The following WDR43 variants were observed in gnomAD, a reference collection of about 807,000 sequenced individuals.
WDR43 encodes the protein WD repeat domain 43.
A neutral mutation model predicts 91.4 loss-of-function variants in WDR43; 13 were observed. The observed-to-expected ratio is 0.14, with a 90% CI of 0.09 to 0.23. WDR43 has a LOEUF of 0.23. Ranked by LOEUF, WDR43 falls within the 10% of genes least tolerant of loss-of-function variation. WDR43 has a pLI of 1.00. For synonymous variants in WDR43, 331 were observed against 287.9 expected, an observed-to-expected ratio of 1.15 and a Z score of -1.51; for missense variants, 780 against 809.4, an observed-to-expected ratio of 0.96 and a Z score of 0.44.
At chr2:28,938,063 A>G in intron 14 of WDR43, 69 bp downstream of exon 14, 1 of 1,525,156 alleles carries the variant, frequency 6.6e-7, no homozygotes. Context: ...AAACTTTGAC[A>G]AGTATGGCTG....
chr2:28,899,023 T>C lies in WDR43; in HGVS notation c.226-2964T>C, dbSNP rs550573878. On this transcript the variant is annotated intron_variant, in intron 1 of 17. Coordinates refer to ENST00000407426, the MANE Select transcript of WDR43 (RefSeq NM_015131.3). The stretch of plus-strand genomic sequence containing the variant: ...ATGCTGATGATGGATCAAATGCTGA[T>C]AAGCTTTTCTCATAAGACAGGTTTC... Among the ~76,000 whole-genome samples the C allele has an allele frequency of 2.0e-5, 3 of 152,320 alleles. No homozygotes were observed. The East Asian group carries it at 5.8e-4, about 29-fold the overall frequency.
chr2:28,928,566 A>G (rs747270645), intron 10 of WDR43, among the ~76,000 whole-genome samples: 27 of 152,216 alleles, frequency 1.8e-4, no homozygotes, highest in Non-Finnish European at 2.6e-4. Context: ...TCTGTTTGCT[A>G]TGTTAGTCAT....
chr2:28,922,785 G>T, intron 6 of WDR43, 134 bp from the exon 7 acceptor site: 1 of 610,850 alleles, frequency 1.6e-6, no homozygotes, highest in Non-Finnish European at 2.6e-6. Context: ...TTTTTAAATG[G>T]ATTCTTGCTG....
Position 28,926,604 on chromosome 2 carries a change from G to A in WDR43, c.1173+50G>A, listed in dbSNP as rs1558378825. 7 of 1,449,590 alleles carry A rather than the reference G, an allele frequency of 4.8e-6. No individual in the cohort carries two copies. The Middle Eastern group carries it at 7.5e-4, about 156-fold the overall frequency. 89.8% of individuals were successfully genotyped at this position (1,449,590 alleles called of 1,614,324 possible). A position where few individuals can be genotyped will look rare whatever the true frequency, so the allele number is the denominator to read the frequency against. On this transcript the variant is annotated intron_variant, in intron 9 of 17. Transcript: ENST00000407426. ...TTTAAGAAAAAGAATATTTCTTTGG[G>A]TGAATGGAACTGTTACTTAGTATTA...
At chr2:28,933,046 G>C (rs1671277375) in intron 11 of WDR43, among the ~76,000 whole-genome samples, 1 of 151,930 alleles carries the variant, frequency 6.6e-6, no homozygotes. Flanking sequence ...TGTATTTTGG[G>C]GTCAAGAATT....
At chr2:28,945,332 C>T (rs1000797031) in intron 16 of WDR43, among the ~76,000 whole-genome samples, 1 of 152,206 alleles carries the variant, frequency 6.6e-6, no homozygotes, top group Non-Finnish European at 1.5e-5. Flanking sequence ...TTATCTTCAT[C>T]TTTCTCCAGT....
At position 28,920,224 on chromosome 2, in the gene WDR43, C is replaced by CTTTT. The variant is rs751048652; in HGVS notation, c.849+2245_849+2248dup. Reference sequence around the variant, plus strand: ...AAATAAAAATAAATTTTTTTTCTTTCTTTTTTTTTTTTTTTTTTTGAGACA... The same window carrying CTTTT: ...AAATAAAAATAAATTTTTTTTCTTTCTTTTTTTTTTTTTTTTTTTTTTTGAGACA... On this transcript the variant is annotated intron_variant, in intron 6 of 17. Transcript: ENST00000407426. Among the ~76,000 whole-genome samples, 128 of 108,052 alleles carry CTTTT rather than the reference C, an allele frequency of 1.2e-3. 3 individuals carry two copies. Among genetic ancestry groups the CTTTT allele is most frequent in the African/African-American group, 1.7e-3 (44 of 26,450 alleles). The allele number at this position is 108,052 out of a possible 152,430, so 70.9% of individuals were successfully genotyped here.
At chr2:28,927,846 C>G in intron 10 of WDR43, 146 bp downstream of exon 10, 1 of 1,070,628 alleles carries the variant, frequency 9.3e-7, no homozygotes, top group South Asian at 1.8e-5. Flanking sequence ...TCTTCACCAT[C>G]ATAGATTTCA....
Position 28,937,915 on chromosome 2 carries a change from G to C in WDR43, c.1557-16G>C. 6 of 1,611,488 alleles carry C rather than the reference G, an allele frequency of 3.7e-6. No individual in the cohort carries two copies. Among genetic ancestry groups the C allele is most frequent in the Non-Finnish European group, 5.1e-6 (6 of 1,178,164 alleles). On this transcript the variant is annotated splice_polypyrimidine_tract_variant and intron_variant, in intron 13 of 17. Transcript: ENST00000407426. ...TGAATTTGTGAACATTAGTTTACTT[G>C]GATTTTTTTTTCCAGTGCTGTGCTA...
intron 8 of WDR43, among the ~76,000 whole-genome samples, chr2:28,926,135 G>T (rs556490683): frequency 1.3e-5 from 2 of 152,270 alleles, no homozygotes; most frequent in South Asian, 4.1e-4. Flanking sequence ...AAAGGATGAT[G>T]AACTGATACG....
intron 6 of WDR43, among the ~76,000 whole-genome samples, chr2:28,921,855 A>G (rs1207784687): frequency 6.6e-6 from 1 of 152,122 alleles, no homozygotes; most frequent in African/African-American, 2.4e-5. Context: ...GACTACAGGC[A>G]TGTGCCCACC....
At position 28,946,719 on chromosome 2, in the gene WDR43, T is replaced by A. The variant is rs1344783199; in HGVS notation, c.1974T>A (p.Ser658Arg). Residue 658 changes from serine (S) to arginine (R), a missense_variant, in exon 18 of 18, where the codon AGT becomes AGA. Transcript: ENST00000407426. ...EENGEDRDTA[S>R]EKELNGDSDL... is the part of the protein sequence containing the mutation. ...ATGGCGAGGACAGAGATACAGCAAGTGAAAAAGAATTAAATGGAGATTCTG... is the reference window on the plus strand; with the variant it reads ...ATGGCGAGGACAGAGATACAGCAAGAGAAAAAGAATTAAATGGAGATTCTG... 6.3e-7 allele frequency: 1 copy of A among 1,583,714 alleles called. No homozygotes were observed. Among genetic ancestry groups the A allele is most frequent in the South Asian group, 1.2e-5 (1 of 86,280 alleles).
At position 28,913,863 on chromosome 2, in the gene WDR43, C is replaced by T. The variant is rs549520329; in HGVS notation, c.607-206C>T. ...GAGTTAGAAGGAACATCTAAATTTTCAGTATTTTCAGATGGATTTTTTTAA... is the reference window on the plus strand; with the variant it reads ...GAGTTAGAAGGAACATCTAAATTTTTAGTATTTTCAGATGGATTTTTTTAA... On this transcript the variant is annotated intron_variant, in intron 4 of 17. Coordinates refer to ENST00000407426, the MANE Select transcript of WDR43 (RefSeq NM_015131.3). 12 of 693,246 alleles carry T rather than the reference C, an allele frequency of 1.7e-5. No individual in the cohort carries two copies. The East Asian group carries it at 3.0e-4, about 17-fold the overall frequency. 42.9% of individuals were successfully genotyped at this position (693,246 alleles called of 1,614,324 possible). A position where few individuals can be genotyped will look rare whatever the true frequency, so the allele number is the denominator to read the frequency against.
At chr2:28,898,015 G>A (rs1670513073) in intron 1 of WDR43, among the ~76,000 whole-genome samples, 1 of 152,198 alleles carries the variant, frequency 6.6e-6, no homozygotes, top group Non-Finnish European at 1.5e-5. Flanking sequence ...AAGTTTATGT[G>A]TGTAAACTGA....
At chr2:28,936,714 C>T (rs1391442618) in intron 12 of WDR43, among the ~76,000 whole-genome samples, 2 of 152,158 alleles carry the variant, frequency 1.3e-5, no homozygotes, top group Non-Finnish European at 2.9e-5. Context: ...TTTGCCGGTT[C>T]TGGACATTCC....
At chr2:28,910,589 G>T (rs1225583255) in intron 3 of WDR43, among the ~76,000 whole-genome samples, 2 of 150,878 alleles carry the variant, frequency 1.3e-5, no homozygotes, top group African/African-American at 4.9e-5. Flanking sequence ...TTTGTGTATT[G>T]TGAGTATTAA....
At chr2:28,930,021 C>T (rs1271482737) in intron 11 of WDR43, 1 of 507,154 alleles carries the variant, frequency 2.0e-6, no homozygotes, top group African/African-American at 1.9e-5. Context: ...TGATAATACT[C>T]AGCATTCTAG....
At chr2:28,916,688 T>C (rs1318959813) in intron 5 of WDR43, among the ~76,000 whole-genome samples, 2 of 152,144 alleles carry the variant, frequency 1.3e-5, no homozygotes, top group African/African-American at 2.4e-5. Flanking sequence ...TTATAATTGT[T>C]AAGTCCTATA....
At chr2:28,931,360 G>C (rs1033525393) in intron 11 of WDR43, among the ~76,000 whole-genome samples, 1 of 152,194 alleles carries the variant, frequency 6.6e-6, no homozygotes, top group South Asian at 2.1e-4. Flanking sequence ...GATTACAGGC[G>C]TGAGCCACTG....
Sources: gnomAD v4.1 joint callset for allele counts (sites outside exome capture counted in the v4.1 genomes callset) on GRCh38, gnomAD v4.1.1 for gene constraint, MANE v1.5 for transcripts, NCBI Gene and HGNC (gene_info 2026-07-23, HGNC 2026-07-21) for gene names.